The following EFEMP2 variants were observed in gnomAD, a reference collection of about 807,000 sequenced individuals.
EFEMP2 encodes the protein EGF-containing fibulin-like extracellular matrix protein 2.
Under a neutral mutation model 55.3 loss-of-function variants are expected in EFEMP2, and 21 were observed. The observed-to-expected ratio is 0.38, with a 90% CI of 0.27 to 0.55. The LOEUF (loss-of-function observed/expected upper bound fraction) is 0.55. Among genes scored for constraint, EFEMP2 ranks in the 20% least tolerant of loss-of-function variants. The probability of loss-of-function intolerance (pLI) is 0.77; values close to 1 mark genes in which losing one functional copy is unlikely to be tolerated. For missense variants in EFEMP2, 513 were observed against 615.1 expected, an observed-to-expected ratio of 0.83 and a Z score of 1.76; for synonymous variants, 275 against 242.3, an observed-to-expected ratio of 1.14 and a Z score of -1.25.
chr11:65,867,156 T>G, intron 10 of EFEMP2, 77 bp from the exon 11 acceptor site: 1 of 1,581,202 alleles, frequency 6.3e-7, no homozygotes, highest in Non-Finnish European at 8.6e-7. Context: ...GTCACCTCCC[T>G]GCCCCGTGGC....
chr11:65,867,922 G>A lies in EFEMP2; in HGVS notation c.1109C>T (p.Pro370Leu). The A allele has an allele frequency of 6.2e-7, 1 of 1,614,150 alleles. No homozygotes were observed. Among genetic ancestry groups the A allele is most frequent in the Non-Finnish European group, 8.5e-7 (1 of 1,180,040 alleles). The change falls in exon 10 of 11, where the codon CCC becomes CTC. Residue 370 changes from proline to leucine, a missense_variant. By Grantham distance (98) the Pro-to-Leu change is moderately conservative (BLOSUM62 -3). Coordinates refer to ENST00000307998, the MANE Select transcript of EFEMP2 (RefSeq NM_016938.5). ...VFQIQATSVY[P>L]GAYNAFQIRA... is the part of the protein sequence containing the mutation. The stretch of plus-strand genomic sequence containing the variant: ...GATCTGAAAGGCATTGTAGGCACCG[G>A]GGTAGACGGAGGTCGCCTGGATCTG...
Position 65,866,834 on chromosome 11 carries a change from CCCTT to C in EFEMP2, c.*80_*83del. On this transcript the variant is annotated 3_prime_UTR_variant, in exon 11 of 11. Coordinates refer to ENST00000307998, the MANE Select transcript of EFEMP2 (RefSeq NM_016938.5). ...CCTCAGCCACCAGGACTTTCTTTCT[CCCTT>C]TATTGCCTTTCTCATTCTGCCCCTC... 6.5e-7 allele frequency: 1 copy of C among 1,548,878 alleles called. No homozygotes were observed. The highest frequency in any genetic ancestry group is 8.9e-7 in the Non-Finnish European group (1 of 1,129,474).
chr11:65,872,650 C>A, intron 1 of EFEMP2, 33 bp downstream of exon 1: 1 of 305,618 alleles, frequency 3.3e-6, no homozygotes, highest in Non-Finnish European at 6.3e-6. Context: ...CTCCGGCCCA[C>A]GCCCTCCCCC....
intron 7 of EFEMP2, 169 bp from the exon 8 acceptor site, chr11:65,868,798 T>G: frequency 1.1e-6 from 1 of 879,508 alleles, no homozygotes; most frequent in Non-Finnish European, 1.8e-6. Context: ...CAAAGAAAGT[T>G]TGCCCAGGCT....
At position 65,868,070 on chromosome 11, in the gene EFEMP2, G is replaced by A; in HGVS notation, c.975-14C>T. On this transcript the variant is annotated splice_polypyrimidine_tract_variant and intron_variant, in intron 9 of 10. Transcript: ENST00000307998. Reference sequence around the variant, plus strand: ...CAGAGACAGCGGCTAGAGACCCCGAGGTGGGGGACACAAATGAGCTCCTTG... The same window carrying A: ...CAGAGACAGCGGCTAGAGACCCCGAAGTGGGGGACACAAATGAGCTCCTTG... 6.2e-7 allele frequency: 1 copy of A among 1,613,050 alleles called. No individual in the cohort carries two copies. The highest frequency in any genetic ancestry group is 8.5e-7 in the Non-Finnish European group (1 of 1,179,686).
intron 7 of EFEMP2, chr11:65,869,647 C>A: frequency 1.5e-6 from 1 of 680,620 alleles, no homozygotes; most frequent in Admixed American, 2.2e-5. Context: ...CACCAGTAGG[C>A]TTCAGTAAGG....
intron 7 of EFEMP2, chr11:65,869,160 G>A (rs764852927): frequency 9.6e-5 from 21 of 219,796 alleles, no homozygotes; most frequent in Non-Finnish European, 1.5e-4. Context: ...AGTTTACAGG[G>A]TGTAAGAAGT....
chr11:65,867,875 C>A lies in EFEMP2; in HGVS notation c.1156G>T (p.Asp386Tyr). ...FQIRAGNSQG[D>Y]FYIRQINNVS... ...AGAAACCTTACCCTAATGTAAAAGT[C>A]CCCCTGCGAGTTTCCAGCACGGATC... is the stretch of plus-strand genomic sequence containing the variant. The change falls in exon 10 of 11, where the codon GAC becomes TAC. Residue 386 changes from aspartate to tyrosine, a missense_variant. Physicochemically the swap from Asp to Tyr is radical, Grantham distance 160 (BLOSUM62 -3). Coordinates refer to ENST00000307998, the MANE Select transcript of EFEMP2 (RefSeq NM_016938.5). The A allele has an allele frequency of 6.2e-7, 1 of 1,614,092 alleles. No individual in the cohort carries two copies. The highest frequency in any genetic ancestry group is 8.5e-7 in the Non-Finnish European group (1 of 1,180,024).
At chr11:65,868,155 C>T (rs1859895153) in intron 9 of EFEMP2, 99 bp from the exon 10 acceptor site, 4 of 1,559,522 alleles carry the variant, frequency 2.6e-6, no homozygotes, top group Non-Finnish European at 3.5e-6. Flanking sequence ...GACCCTTCTA[C>T]CCCTGTGACT....
Position 65,869,847 on chromosome 11 carries a change from G to C in EFEMP2, c.727+10C>G. 6.2e-7 allele frequency: 1 copy of C among 1,613,722 alleles called. No individual in the cohort carries two copies. The highest frequency in any genetic ancestry group is 8.5e-7 in the Non-Finnish European group (1 of 1,179,964). On this transcript the variant is annotated intron_variant, in intron 7 of 10. Transcript: ENST00000307998. ...CACAGAGGAGTACACAGCAGGGATG[G>C]AGCTCTCACCACTGCAGGAGAAGCC...
rs766375376 is a variant in EFEMP2 at position 65,870,697 on chromosome 11, C to T, written c.368-39G>A. The T allele has an allele frequency of 4.3e-6, 7 of 1,613,228 alleles. No homozygotes were observed. The South Asian group carries it at 7.7e-5, about 18-fold the overall frequency. On this transcript the variant is annotated intron_variant, in intron 4 of 10. Transcript: ENST00000307998. The stretch of plus-strand genomic sequence containing the variant: ...CACTCAGCCCCTGCCTGGGATCCCG[C>T]ACACCACCCAACATGACAGATAGTT...
At chr11:65,868,119 C>T in intron 9 of EFEMP2, 63 bp from the exon 10 acceptor site, 2 of 1,586,630 alleles carry the variant, frequency 1.3e-6, no homozygotes, top group Non-Finnish European at 1.7e-6. Flanking sequence ...TTTCTCCTAC[C>T]CTACAAAGGG....
chr11:65,871,932 G>A (rs777150884), intron 3 of EFEMP2, 38 bp downstream of exon 3: 10 of 1,550,888 alleles, frequency 6.4e-6, no homozygotes, highest in Admixed American at 5.9e-5. Context: ...ATCCCTTTCC[G>A]GGTTCCTGGG....
rs775639842 is a variant in EFEMP2 at position 65,868,374 on chromosome 11, T to A, written c.895A>T (p.Thr299Ser). 1 of 1,613,756 alleles carries A rather than the reference T, an allele frequency of 6.2e-7. No individual in the cohort carries two copies. ...TAGCCCCCATGGAAGTTGACACAGG[T>A]TTGGGCCTCGGAGCACTGGTGCGCA... ...SGAHQCSEAQ[T>S]CVNFHGGYRC... Residue 299 changes from threonine (T) to serine (S), a missense_variant, in exon 9 of 11, where the codon ACC becomes TCC. Physicochemically the swap from Thr to Ser is moderately conservative, Grantham distance 58. Coordinates refer to ENST00000307998, the MANE Select transcript of EFEMP2 (RefSeq NM_016938.5).
At chr11:65,872,602 C>A (rs1859985664) in intron 1 of EFEMP2, 81 bp downstream of exon 1, 1 of 316,976 alleles carries the variant, frequency 3.2e-6, no homozygotes, top group Non-Finnish European at 5.7e-6. Context: ...GGAGCGCGGG[C>A]CTCTGTGGGC....
chr11:65,868,838 G>A (rs1488277953), intron 7 of EFEMP2: 13 of 614,112 alleles, frequency 2.1e-5, no homozygotes, highest in Non-Finnish European at 3.4e-5. Context: ...TCTCTGCCCA[G>A]AACTGGAAGA....
chr11:65,867,203 C>G, intron 10 of EFEMP2, 124 bp from the exon 11 acceptor site: 1 of 1,158,252 alleles, frequency 8.6e-7, no homozygotes, highest in South Asian at 1.4e-5. Context: ...AGGCTGCCAC[C>G]CCAGCCTCTC....
chr11:65,871,483 T>C, intron 3 of EFEMP2, 120 bp from the exon 4 acceptor site: 1 of 976,136 alleles, frequency 1.0e-6, no homozygotes, highest in Non-Finnish European at 1.6e-6. Context: ...CTTCCCACTC[T>C]GCTCAACAAG....
chr11:65,870,481 AG>A lies in EFEMP2; in HGVS notation c.490+54del. The A allele has an allele frequency of 1.9e-6, 3 of 1,611,102 alleles. No homozygotes were observed. In the South Asian group the frequency reaches 3.3e-5, roughly 18 times the overall value. On this transcript the variant is annotated intron_variant, in intron 5 of 10. Transcript: ENST00000307998. The stretch of plus-strand genomic sequence containing the variant: ...TGAATGGGGGTCAGGTGCTAGGGCA[AG>A]GGCCAGACCAGGGACACAAAGCCGG...
Sources: gnomAD v4.1 joint callset for allele counts on GRCh38, gnomAD v4.1.1 for gene constraint, MANE v1.5 for transcripts, NCBI Gene and HGNC (gene_info 2026-07-23, HGNC 2026-07-21) for gene names.